FOCAD: variants seen among roughly 807,000 people sequenced by gnomAD.
FOCAD encodes focadhesin.
Under a neutral mutation model 225.6 loss-of-function variants are expected in FOCAD, and 198 were observed. The ratio of observed to expected loss-of-function variants is 0.88; its 90% CI spans 0.78 to 0.99. FOCAD has a LOEUF of 0.99. FOCAD is among the 50% of genes least tolerant of loss of function. The pLI, the probability that FOCAD is intolerant of heterozygous loss-of-function variation, is 0.00. For synonymous variants in FOCAD, 897 were observed against 755.0 expected (o/e 1.19, Z -3.08); for missense variants, 2,713 against 2,123.6 (o/e 1.28, Z -5.46).
intron 35 of FOCAD, among the ~76,000 whole-genome samples, chr9:20,972,534 G>A (rs1234555966): frequency 2.0e-5 from 3 of 150,710 alleles, no homozygotes; most frequent in Non-Finnish European, 3.0e-5. Flanking sequence ...TTTTCCTTTT[G>A]TTGATTCTCC....
intron 21 of FOCAD, among the ~76,000 whole-genome samples, chr9:20,904,332 A>T (rs1832781708): frequency 1.3e-5 from 2 of 152,036 alleles, no homozygotes; most frequent in South Asian, 4.1e-4. Flanking sequence ...AGGAACCACC[A>T]TTAAGTGTTT....
chr9:20,979,646 G>T (rs1368774918), intron 37 of FOCAD, among the ~76,000 whole-genome samples: 2 of 151,942 alleles, frequency 1.3e-5, no homozygotes, highest in Non-Finnish European at 2.9e-5. Context: ...GCCTGTTTTT[G>T]TTTTTTTAAA....
chr9:20,716,422 A>C (rs747662114), intron 2 of FOCAD, among the ~76,000 whole-genome samples: 3 of 152,050 alleles, frequency 2.0e-5, no homozygotes, highest in Non-Finnish European at 4.4e-5. Context: ...ATGTAGGCTG[A>C]TTTATCCTTG....
At chr9:20,921,337 C>T (rs994954823) in intron 24 of FOCAD, among the ~76,000 whole-genome samples, 2 of 152,114 alleles carry the variant, frequency 1.3e-5, no homozygotes, top group Non-Finnish European at 2.9e-5. Flanking sequence ...ATTAAAACGT[C>T]GGTGGTGTTG....
chr9:20,910,743 T>C (rs1244418002), intron 22 of FOCAD, among the ~76,000 whole-genome samples: 1 of 152,044 alleles, frequency 6.6e-6, no homozygotes, highest in Non-Finnish European at 1.5e-5. Flanking sequence ...TGGATCTCTC[T>C]ATTACCAGTA....
At chr9:20,828,675 G>A (rs1330842102) in intron 15 of FOCAD, among the ~76,000 whole-genome samples, 4 of 152,152 alleles carry the variant, frequency 2.6e-5, no homozygotes, top group Non-Finnish European at 5.9e-5. Flanking sequence ...AGGATATGCA[G>A]GTGTGTTACA....
chr9:20,938,248 A>G (rs1163253105), intron 28 of FOCAD, among the ~76,000 whole-genome samples: 2 of 152,252 alleles, frequency 1.3e-5, no homozygotes, highest in South Asian at 2.1e-4. Flanking sequence ...CCAAAGGTTT[A>G]TAAATCATGC....
intron 5 of FOCAD, among the ~76,000 whole-genome samples, chr9:20,741,236 A>ATT (rs549284123): frequency 8.2e-4 from 125 of 152,306 alleles, no homozygotes; most frequent in African/African-American, 2.9e-3. Context: ...AGTCTTCAGT[A>ATT]TTTGACAACA....
At chr9:20,676,532 C>T (rs1400596832) in intron 2 of FOCAD, among the ~76,000 whole-genome samples, 1 of 152,186 alleles carries the variant, frequency 6.6e-6, no homozygotes, top group Non-Finnish European at 1.5e-5. Context: ...GTCATTTTAA[C>T]AAAAACTAAT....
chr9:20,796,928 C>T (rs558580539), intron 11 of FOCAD, among the ~76,000 whole-genome samples: 1 of 151,940 alleles, frequency 6.6e-6, no homozygotes, highest in Non-Finnish European at 1.5e-5. Context: ...AGGTTTTCTT[C>T]TAGGGTTTTT....
At chr9:20,953,122 A>G in intron 35 of FOCAD, 57 bp downstream of exon 35, 1 of 1,392,082 alleles carries the variant, frequency 7.2e-7, no homozygotes. Flanking sequence ...TTATAAGTAA[A>G]TTTGTGTACC....
At position 20,982,545 on chromosome 9, in the gene FOCAD, T is replaced by G. The variant is rs576079424; in HGVS notation, c.4728+99T>G. 1,179 of 917,926 alleles carry G rather than the reference T, an allele frequency of 1.3e-3. 3 individuals are homozygous for G. The highest frequency in any genetic ancestry group is 1.7e-3 in the Non-Finnish European group (964 of 576,182). 56.9% of individuals were successfully genotyped at this position (917,926 alleles called of 1,614,324 possible). A position where few individuals can be genotyped will look rare whatever the true frequency, so the allele number is the denominator to read the frequency against. ...TTGGCTGAAGCAAGTTTTGCTTCATTTTTGTTATTGGTTAATTTCAGGAAA... is the reference window on the plus strand; with the variant it reads ...TTGGCTGAAGCAAGTTTTGCTTCATGTTTGTTATTGGTTAATTTCAGGAAA... On this transcript the variant is annotated intron_variant, in intron 39 of 43. Transcript: ENST00000338382.
At position 20,781,654 on chromosome 9, in the gene FOCAD, C is replaced by G. The variant is rs1448577450; in HGVS notation, c.995-73C>G. 2.1e-6 allele frequency: 3 copies of G among 1,395,776 alleles called. No homozygotes were observed. The East Asian group carries it at 6.9e-5, about 32-fold the overall frequency. 86.5% of individuals were successfully genotyped at this position (1,395,776 alleles called of 1,614,324 possible). The stretch of plus-strand genomic sequence containing the variant: ...GAAGAAAACTTTCTTGCATATCATT[C>G]TTAAGCAAAATTGCATTTTGTTTGA... On this transcript the variant is annotated intron_variant, in intron 9 of 43. Coordinates refer to ENST00000338382, the MANE Select transcript of FOCAD (RefSeq NM_001375567.1).
At chr9:20,674,953 G>A (rs866322334) in intron 2 of FOCAD, among the ~76,000 whole-genome samples, 1 of 152,148 alleles carries the variant, frequency 6.6e-6, no homozygotes, top group Non-Finnish European at 1.5e-5. Context: ...GGGTAGAGTT[G>A]GGGCAGAACT....
rs563871303 is a variant in FOCAD at position 20,976,555 on chromosome 9, A to G, written c.4261+7A>G. On this transcript the variant is annotated splice_region_variant and intron_variant, in intron 36 of 43. Coordinates refer to ENST00000338382, the MANE Select transcript of FOCAD (RefSeq NM_001375567.1). ...CTTATGAGGCTAAATTTTGGTAAAT[A>G]TCATGTGTTTTTAAGTCTTCAGACT... The G allele has an allele frequency of 5.0e-6, 8 of 1,612,214 alleles. No homozygotes were observed. Among genetic ancestry groups the G allele is most frequent in the African/African-American group, 1.3e-5 (1 of 74,926 alleles).
chr9:20,741,344 C>A (rs1368123209), intron 5 of FOCAD, among the ~76,000 whole-genome samples: 1 of 152,094 alleles, frequency 6.6e-6, no homozygotes, highest in Admixed American at 6.5e-5. Flanking sequence ...AATAAGTAAA[C>A]AGTATCTCAT....
intron 5 of FOCAD, among the ~76,000 whole-genome samples, chr9:20,753,068 A>T (rs185644143): frequency 6.6e-6 from 1 of 152,068 alleles, no homozygotes; most frequent in Non-Finnish European, 1.5e-5. Flanking sequence ...GGCTGAGTCA[A>T]TGGGGTTTTC....
In FOCAD at chr9:20,670,575, C is replaced by T. The variant is rs536074644; in HGVS notation, c.-78+11749C>T. 9.2e-5 allele frequency among the ~76,000 whole-genome samples: 14 copies of T among 152,224 alleles called. No individual in the cohort carries two copies. In the South Asian group the frequency reaches 1.9e-3, roughly 20 times the overall value. ...TCTTGTGAGAATGCATTCATTATCG[C>T]GAGAACAGCATGGGGGAAACCACCA... On this transcript the variant is annotated intron_variant, in intron 2 of 45. Transcript: ENST00000380249.
chr9:20,659,440 A>AAGAAAGAAAGAAAGAAAGAAAAGAC (rs71334544), intron 2 of FOCAD, among the ~76,000 whole-genome samples: 1 of 145,070 alleles, frequency 6.9e-6, no homozygotes, highest in African/African-American at 2.6e-5. Context: ...GAAAGAAAGA[A>AAGAAAGAAAGAAAGAAAGAAAAGAC]AGACAGACAG....
Sources: allele counts gnomAD v4.1 joint callset (sites outside exome capture counted in the v4.1 genomes callset), GRCh38; gene constraint gnomAD v4.1.1; transcripts MANE v1.5; gene names NCBI Gene and HGNC (gene_info 2026-07-23, HGNC 2026-07-21).